The following HECW1 variants were observed in gnomAD, a reference collection of about 807,000 sequenced individuals.
HECW1 encodes E3 ubiquitin-protein ligase HECW1.
HECW1 carries 61 observed loss-of-function variants against 182.3 expected under a neutral mutation model. The ratio of observed to expected loss-of-function variants is 0.33; its 90% CI spans 0.27 to 0.41. The LOEUF is 0.41. HECW1 is among the 10% of genes least tolerant of loss of function. HECW1 has a pLI of 1.00. For synonymous variants in HECW1, 859 were observed against 832.6 expected, an observed-to-expected ratio of 1.03 and a Z score of -0.55; for missense variants, 1,739 against 2,108.9, an observed-to-expected ratio of 0.82 and a Z score of 3.44.
intron 3 of HECW1, among the ~76,000 whole-genome samples, chr7:43,263,989 T>C (rs1266504054): frequency 2.0e-5 from 3 of 152,236 alleles, no homozygotes; most frequent in African/African-American, 4.8e-5. Context: ...CCAACAAATA[T>C]ATATTTGCGG....
At chr7:43,358,108 C>T (rs1378286085) in intron 5 of HECW1, among the ~76,000 whole-genome samples, 2 of 152,126 alleles carry the variant, frequency 1.3e-5, no homozygotes, top group Non-Finnish European at 2.9e-5. Context: ...ATTCCTGGTA[C>T]CTAAAATTCC....
chr7:43,136,428 G>C (rs1787546457), intron 2 of HECW1, among the ~76,000 whole-genome samples: 1 of 152,208 alleles, frequency 6.6e-6, no homozygotes, highest in African/African-American at 2.4e-5. Flanking sequence ...TCCAGCCCCA[G>C]GGCTGAGAGC....
intron 5 of HECW1, among the ~76,000 whole-genome samples, chr7:43,358,720 T>A (rs2152810675): frequency 6.6e-6 from 1 of 152,250 alleles, no homozygotes; most frequent in South Asian, 2.1e-4. Context: ...CTAACAAGCG[T>A]TCTATGAGAT....
chr7:43,219,451 G>A (rs1452391259), intron 2 of HECW1, among the ~76,000 whole-genome samples: 1 of 152,052 alleles, frequency 6.6e-6, no homozygotes, highest in East Asian at 1.9e-4. Flanking sequence ...CCGAGCTAAA[G>A]AAGGAAGGGC....
intron 3 of HECW1, among the ~76,000 whole-genome samples, chr7:43,296,740 A>G (rs1806103033): frequency 6.6e-6 from 1 of 152,230 alleles, no homozygotes; most frequent in African/African-American, 2.4e-5. Flanking sequence ...AACTGTTCCA[A>G]CAACGTTCTT....
chr7:43,536,127 T>C (rs1006533874), intron 24 of HECW1, among the ~76,000 whole-genome samples: 3 of 152,230 alleles, frequency 2.0e-5, no homozygotes, highest in African/African-American at 7.2e-5. Context: ...TGATCCTCAA[T>C]AGAAAGGATT....
At chr7:43,207,266 C>T (rs925471825) in intron 2 of HECW1, among the ~76,000 whole-genome samples, 3 of 152,056 alleles carry the variant, frequency 2.0e-5, no homozygotes, top group Admixed American at 6.6e-5. Context: ...AGGCTGGTCT[C>T]GAATTCTTGA....
chr7:43,139,110 T>A (rs926648644), intron 2 of HECW1, among the ~76,000 whole-genome samples: 2 of 152,154 alleles, frequency 1.3e-5, no homozygotes, highest in Non-Finnish European at 2.9e-5. Context: ...TTTATTATGA[T>A]ATCTTCTTTA....
At chr7:43,536,647 A>G (rs2081188033) in intron 24 of HECW1, among the ~76,000 whole-genome samples, 1 of 152,160 alleles carries the variant, frequency 6.6e-6, no homozygotes, top group African/African-American at 2.4e-5. Context: ...TTCAGATACA[A>G]TGGCCCCCAT....
intron 5 of HECW1, among the ~76,000 whole-genome samples, chr7:43,354,124 G>GA (rs1178971251): frequency 6.9e-6 from 1 of 145,684 alleles, no homozygotes; most frequent in Non-Finnish European, 1.5e-5. Flanking sequence ...TATAGTAGGG[G>GA]AAAAAAAAGA....
rs2075250593 is a variant in HECW1 at position 43,396,908 on chromosome 7, A to G, written c.631+19A>G. ...CTCTCAGGTATGTTTTGCTCACCTG[A>G]GACTTTGTGGAGAGACTAAGAATGT... is the stretch of plus-strand genomic sequence containing the variant. On this transcript the variant is annotated intron_variant, in intron 7 of 29. Transcript: ENST00000395891. The G allele has an allele frequency of 1.3e-6, 2 of 1,582,932 alleles. No individual in the cohort carries two copies. The highest frequency in any genetic ancestry group is 1.7e-6 in the Non-Finnish European group (2 of 1,152,902).
chr7:43,224,779 C>T (rs761072995), intron 2 of HECW1, among the ~76,000 whole-genome samples: 1 of 152,142 alleles, frequency 6.6e-6, no homozygotes, highest in Non-Finnish European at 1.5e-5. Context: ...TGCACCACTG[C>T]CTGGATGATA....
intron 6 of HECW1, among the ~76,000 whole-genome samples, chr7:43,391,686 T>C (rs2075035709): frequency 6.6e-6 from 1 of 152,158 alleles, no homozygotes; most frequent in Non-Finnish European, 1.5e-5. Context: ...GGTCTTTCTG[T>C]TGGAGAACTT....
chr7:43,509,643 T>G (rs17172220), intron 24 of HECW1: 31,737 of 152,936 alleles, frequency 0.21, 3,419 homozygotes, highest in South Asian at 0.31. Flanking sequence ...ACCACTTACC[T>G]ATATGTATAA....
rs942565238 is a variant in HECW1 at position 43,112,736 on chromosome 7, G to T, written c.-468G>T. ...CGCACACACTCGCCGAGCCGCGCGC[G>T]CCCCTCCGCCGTGACAGTGGCCGTG... is the stretch of plus-strand genomic sequence containing the variant. On this transcript the variant is annotated 5_prime_UTR_variant, in exon 1 of 30. Coordinates refer to ENST00000395891, the MANE Select transcript of HECW1 (RefSeq NM_015052.5). The T allele has an allele frequency of 3.9e-5, 9 of 230,800 alleles. No homozygotes were observed. Among genetic ancestry groups the T allele is most frequent in the Non-Finnish European group, 7.7e-5 (9 of 116,434 alleles). The allele number at this position is 230,800 out of a possible 1,614,324, so 14.3% of individuals were successfully genotyped here. A position where few individuals can be genotyped will look rare whatever the true frequency, so the allele number is the denominator to read the frequency against.
chr7:43,512,448 G>C (rs1393282290), intron 24 of HECW1, among the ~76,000 whole-genome samples: 5 of 152,132 alleles, frequency 3.3e-5, no homozygotes, highest in Non-Finnish European at 7.4e-5. Context: ...CTCTAGTGAG[G>C]CATTATCAGA....
At chr7:43,123,485 G>A (rs1785854570) in intron 2 of HECW1, among the ~76,000 whole-genome samples, 1 of 152,086 alleles carries the variant, frequency 6.6e-6, no homozygotes, top group South Asian at 2.1e-4. Context: ...TTTTTCCAGG[G>A]GATCCAGAGA....
At chr7:43,475,041 G>A (rs140875239) in intron 16 of HECW1, among the ~76,000 whole-genome samples, 2 of 152,314 alleles carry the variant, frequency 1.3e-5, no homozygotes, top group East Asian at 3.9e-4. Flanking sequence ...GTGAAAAAGT[G>A]CTGGGGAAGG....
intron 2 of HECW1, among the ~76,000 whole-genome samples, chr7:43,168,607 C>G (rs964783448): frequency 5.3e-5 from 8 of 152,074 alleles, no homozygotes; most frequent in African/African-American, 1.7e-4. Context: ...CTGCAGTAAG[C>G]TGTGATTGTA....
Sources: allele counts gnomAD v4.1 joint callset (sites outside exome capture counted in the v4.1 genomes callset), GRCh38; gene constraint gnomAD v4.1.1; transcripts MANE v1.5; gene names NCBI Gene and HGNC (gene_info 2026-07-23, HGNC 2026-07-21).